The following BMP5 variants were observed in gnomAD, a reference collection of about 807,000 sequenced individuals.
The protein encoded by BMP5 is bone morphogenetic protein 5.
A neutral mutation model predicts 46.6 loss-of-function variants in BMP5; 23 were observed. The ratio of observed to expected loss-of-function variants is 0.49; its 90% CI spans 0.35 to 0.70. The LOEUF is 0.70. Ranked by LOEUF, BMP5 falls within the 30% of genes least tolerant of loss-of-function variation. The pLI is 0.00. For synonymous variants in BMP5, 204 were observed against 191.9 expected (o/e 1.06, Z -0.52); for missense variants, 545 against 565.6 (o/e 0.96, Z 0.37).
intron 3 of BMP5, among the ~76,000 whole-genome samples, chr6:55,789,568 G>A (rs7757170): frequency 0.011 from 1,748 of 152,092 alleles, 32 homozygotes; most frequent in African/African-American, 0.039. Context: ...TAGTATGTCA[G>A]TTAATTAATG....
At chr6:55,819,188 G>A (rs922681245) in intron 2 of BMP5, among the ~76,000 whole-genome samples, 1 of 152,068 alleles carries the variant, frequency 6.6e-6, no homozygotes, top group Non-Finnish European at 1.5e-5. Context: ...GTATCATTCC[G>A]AATTAACCAA....
intron 1 of BMP5, among the ~76,000 whole-genome samples, chr6:55,854,189 T>G: frequency 6.6e-6 from 1 of 152,148 alleles, no homozygotes; most frequent in South Asian, 2.1e-4. Context: ...ATGAAAAAAC[T>G]TTCAAAAATA....
chr6:55,847,302 C>A (rs1777120875), intron 1 of BMP5, among the ~76,000 whole-genome samples: 1 of 151,946 alleles, frequency 6.6e-6, no homozygotes, highest in African/African-American at 2.4e-5. Context: ...GCAGTCCCAG[C>A]ACTTCATTTT....
intron 3 of BMP5, among the ~76,000 whole-genome samples, chr6:55,791,388 A>C (rs1775569671): frequency 6.6e-6 from 1 of 152,214 alleles, no homozygotes; most frequent in Non-Finnish European, 1.5e-5. Context: ...ATGTTTAACC[A>C]TTTGAAAATT....
chr6:55,805,145 A>G (rs1775957296), intron 2 of BMP5, among the ~76,000 whole-genome samples: 1 of 152,200 alleles, frequency 6.6e-6, no homozygotes, highest in Non-Finnish European at 1.5e-5. Context: ...ACACATGGCA[A>G]AAGTGTTTGC....
chr6:55,828,978 G>A (rs147855277), intron 1 of BMP5, among the ~76,000 whole-genome samples: 5 of 151,832 alleles, frequency 3.3e-5, no homozygotes, highest in African/African-American at 1.2e-4. Flanking sequence ...TTTGGTACAT[G>A]GATGTATAAT....
In BMP5 at chr6:55,805,976, T is replaced by C. The variant is rs143324389; in HGVS notation, c.684-11549A>G. ...GTAGATTCTGGGTATCAGACCTTCA[T>C]CAGATGAGTAGAATACAAACATTTT... On this transcript the variant is annotated intron_variant, in intron 2 of 6. Transcript: ENST00000370830. 6.8e-3 allele frequency among the ~76,000 whole-genome samples: 1,034 copies of C among 152,312 alleles called. 13 individuals are homozygous for C. The highest frequency in any genetic ancestry group is 0.023 in the African/African-American group (975 of 41,574).
In BMP5 at chr6:55,832,501, C is replaced by T. The variant is rs6923846; in HGVS notation, c.491-12654G>A. Among the ~76,000 whole-genome samples the T allele has an allele frequency of 5.1e-3, 773 of 152,236 alleles. 2 individuals are homozygous for T. The highest frequency in any genetic ancestry group is 0.018 in the African/African-American group (734 of 41,534). On this transcript the variant is annotated intron_variant, in intron 1 of 6. Coordinates refer to ENST00000370830, the MANE Select transcript of BMP5 (RefSeq NM_021073.4). ...GTCCTCTGAAAGAATCCACTAAGCA[C>T]CTGTATTTAAATATCTAGCTTTGTG...
chr6:55,820,749 T>C (rs891594420), intron 1 of BMP5, among the ~76,000 whole-genome samples: 12 of 150,348 alleles, frequency 8.0e-5, no homozygotes, highest in African/African-American at 2.7e-4. Flanking sequence ...TGTTTGTTTG[T>C]TTGCTTTTAA....
intron 6 of BMP5, among the ~76,000 whole-genome samples, chr6:55,756,326 G>A (rs1049238045): frequency 9.9e-5 from 15 of 151,700 alleles, no homozygotes; most frequent in African/African-American, 3.4e-4. Context: ...CTAGACAAGT[G>A]CCAAAAAGCA....
intron 1 of BMP5, among the ~76,000 whole-genome samples, chr6:55,838,402 A>G (rs1187425514): frequency 6.6e-6 from 1 of 152,142 alleles, no homozygotes; most frequent in Non-Finnish European, 1.5e-5. Context: ...AATGATGTTG[A>G]GCACCTTTTC....
At chr6:55,808,281 G>A (rs1416407363) in intron 2 of BMP5, among the ~76,000 whole-genome samples, 1 of 152,188 alleles carries the variant, frequency 6.6e-6, no homozygotes, top group Non-Finnish European at 1.5e-5. Flanking sequence ...CAGCTGATGT[G>A]TTTGGCTGTG....
chr6:55,815,603 C>T (rs1394002215), intron 2 of BMP5, among the ~76,000 whole-genome samples: 2 of 151,986 alleles, frequency 1.3e-5, no homozygotes, highest in African/African-American at 4.8e-5. Context: ...AATACTGAAA[C>T]AATACGTAGC....
chr6:55,873,685 G>A (rs1777836397), intron 1 of BMP5, among the ~76,000 whole-genome samples: 1 of 151,722 alleles, frequency 6.6e-6, no homozygotes, highest in South Asian at 2.1e-4. Flanking sequence ...CATATAGAAG[G>A]AAAATTTTGT....
In BMP5 at chr6:55,805,753, G is replaced by A. The variant is rs142559913; in HGVS notation, c.684-11326C>T. On this transcript the variant is annotated intron_variant, in intron 2 of 6. Coordinates refer to ENST00000370830, the MANE Select transcript of BMP5 (RefSeq NM_021073.4). Reference sequence around the variant, plus strand: ...ATTGTTTATTGACTTTTTAATAATCGCCATTCTGACTGGTGTGAGAGATGG... The same window carrying A: ...ATTGTTTATTGACTTTTTAATAATCACCATTCTGACTGGTGTGAGAGATGG... Among the ~76,000 whole-genome samples the A allele has an allele frequency of 9.2e-5, 14 of 152,138 alleles. No homozygotes were observed. The East Asian group carries it at 2.3e-3, about 25-fold the overall frequency.
chr6:55,860,112 A>C (rs1777494259), intron 1 of BMP5, among the ~76,000 whole-genome samples: 1 of 152,136 alleles, frequency 6.6e-6, no homozygotes, highest in Admixed American at 6.5e-5. Flanking sequence ...TCATCTCCAA[A>C]ACAATTTTAA....
intron 2 of BMP5, among the ~76,000 whole-genome samples, chr6:55,813,333 T>A (rs1285545460): frequency 6.6e-6 from 1 of 152,018 alleles, no homozygotes; most frequent in Non-Finnish European, 1.5e-5. Context: ...AATTAAAATG[T>A]AAATTACCCA....
chr6:55,871,430 T>C (rs1562081145), intron 1 of BMP5, among the ~76,000 whole-genome samples: 1 of 151,888 alleles, frequency 6.6e-6, no homozygotes, highest in African/African-American at 2.4e-5. Flanking sequence ...TAATAATTTA[T>C]ATTTGTTTCT....
In BMP5 at chr6:55,844,876, T is replaced by A. The variant is rs188151416; in HGVS notation, c.491-25029A>T. On this transcript the variant is annotated intron_variant, in intron 1 of 6. Transcript: ENST00000370830. ...CAAAATGTTTTCCAAAAGACCTAAATGTTTAGCTAAAAATGTATATTTTGA... is the reference window on the plus strand; with the variant it reads ...CAAAATGTTTTCCAAAAGACCTAAAAGTTTAGCTAAAAATGTATATTTTGA... Among the ~76,000 whole-genome samples the A allele has an allele frequency of 7.2e-5, 11 of 152,134 alleles. No homozygotes were observed. In the East Asian group the frequency reaches 1.5e-3, roughly 21 times the overall value.
Sources: gnomAD v4.1 joint callset for allele counts (sites outside exome capture counted in the v4.1 genomes callset) on GRCh38, gnomAD v4.1.1 for gene constraint, MANE v1.5 for transcripts, NCBI Gene and HGNC (gene_info 2026-07-23, HGNC 2026-07-21) for gene names.